The following BCORL1 variants were observed in gnomAD, a reference collection of about 807,000 sequenced individuals.
The protein encoded by BCORL1 is BCL-6 corepressor-like protein 1.
Under a neutral mutation model 87.6 loss-of-function variants are expected in BCORL1, and 7 were observed. The ratio of observed to expected loss-of-function variants is 0.08; its 90% CI spans 0.05 to 0.15. BCORL1 has a LOEUF of 0.15. Among genes scored for constraint, BCORL1 ranks in the 10% least tolerant of loss-of-function variants. The probability of loss-of-function intolerance (pLI) is 1.00; values close to 1 mark genes in which losing one functional copy is unlikely to be tolerated. For synonymous variants in BCORL1, 591 were observed against 634.4 expected (o/e 0.93, Z 1.03); for missense variants, 1,215 against 1,499.7 (o/e 0.81, Z 3.13).
At position 130,013,717 on chromosome X, in the gene BCORL1, T is replaced by G; in HGVS notation, c.945T>G (p.Ala315=). The part of the protein sequence containing the change: ...LSVPVSAPPL[A]LIQAPVPPSA... ...TCCCAGTTTCAGCTCCTCCCTTGGC[T>G]CTCATCCAGGCTCCTGTGCCCCCTT... is the stretch of plus-strand genomic sequence containing the variant. The change falls in exon 4 of 14, where the codon GCT becomes GCG. Residue 315 remains alanine, a synonymous_variant. Transcript: ENST00000540052. 1 of 1,205,525 alleles carries G rather than the reference T, an allele frequency of 8.3e-7. No homozygotes were observed. Among genetic ancestry groups the G allele is most frequent in the Non-Finnish European group, 1.1e-6 (1 of 892,498 alleles).
chrX:129,991,554 C>A lies in BCORL1; in HGVS notation c.-45+8792C>A, dbSNP rs192897644. Among the ~76,000 whole-genome samples the A allele has an allele frequency of 5.3e-3, 574 of 109,186 alleles. 1 individual carries two copies. The highest frequency in any genetic ancestry group is 8.4e-3 in the Non-Finnish European group (440 of 52,523). 94.8% of individuals were successfully genotyped at this position (109,186 alleles called of 115,157 possible). ...GCAGGGTCTCCCTGTGTTGCCCAGG[C>A]TGTTCTTAAACTCCTGAGCTCCAGC... On this transcript the variant is annotated intron_variant, in intron 1 of 13. Coordinates refer to ENST00000540052, the MANE Select transcript of BCORL1 (RefSeq NM_001379451.1).
intron 11 of BCORL1, among the ~76,000 whole-genome samples, chrX:130,046,737 G>A (rs1343312605): frequency 9.0e-6 from 1 of 110,799 alleles, no homozygotes; most frequent in Non-Finnish European, 1.9e-5. Flanking sequence ...TAGTAGAGAT[G>A]AGGTTTCACC....
In BCORL1 at chrX:130,015,334, C is replaced by T. The variant is rs777694490; in HGVS notation, c.2562C>T (p.Pro854=). The T allele has an allele frequency of 8.3e-7, 1 of 1,211,864 alleles. No homozygotes were observed. Among genetic ancestry groups the T allele is most frequent in the South Asian group, 1.8e-5 (1 of 57,037 alleles). The change falls in exon 4 of 14, where the codon CCC becomes CCT. Residue 854 remains proline, a synonymous_variant. Transcript: ENST00000540052. ...IGISSAGQLT[P]SQGAPIRPTS... The stretch of plus-strand genomic sequence containing the variant: ...TTTCCAGTGCCGGGCAGCTGACCCC[C>T]AGTCAGGGGGCGCCCATCAGGCCCA...
At chrX:129,984,172 C>T (rs1926390410) in intron 1 of BCORL1, among the ~76,000 whole-genome samples, 1 of 101,655 alleles carries the variant, frequency 9.8e-6, no homozygotes, top group African/African-American at 3.5e-5. Flanking sequence ...CTGCTGCCGC[C>T]GCCGCTGCCG....
chrX:130,057,293 C>T lies in BCORL1; in HGVS notation c.*1157C>T, dbSNP rs1285760645. ...GCGTCAGCTGTTTCCTAGGCAAGGG[C>T]AGGAAAGTGGTCTCCAGCCCTTGCT... On this transcript the variant is annotated 3_prime_UTR_variant, in exon 14 of 14. Coordinates refer to ENST00000540052, the MANE Select transcript of BCORL1 (RefSeq NM_001379451.1). The T allele has an allele frequency of 9.0e-6, 1 of 111,287 alleles. No individual in the cohort carries two copies. The highest frequency in any genetic ancestry group is 2.9e-4 in the East Asian group (1 of 3,505). The allele number at this position is 111,287 out of a possible 1,213,427, so 9.2% of individuals were successfully genotyped here.
At chrX:129,999,962 C>G (rs1927914786) in intron 1 of BCORL1, among the ~76,000 whole-genome samples, 2 of 111,180 alleles carry the variant, frequency 1.8e-5, no homozygotes, top group African/African-American at 6.5e-5. Flanking sequence ...GTGTGAGCCA[C>G]CATGCCTGGC....
chrX:130,025,351 A>G lies in BCORL1; in HGVS notation c.4050A>G (p.Glu1350=). 8.7e-7 allele frequency: 1 copy of G among 1,154,514 alleles called. No homozygotes were observed. Among genetic ancestry groups the G allele is most frequent in the East Asian group, 3.0e-5 (1 of 33,174 alleles). Residue 1350 remains glutamate, a synonymous_variant, in exon 7 of 14, where the codon GAA becomes GAG. Transcript: ENST00000540052. ...CTGGGGAGTACCTGACAGAGCAAGA[A>G]GACGAGCAGCGGCGGAAAGGGAGAG... ...YQTGEYLTEQ[E]DEQRRKGRAD...
intron 2 of BCORL1, among the ~76,000 whole-genome samples, chrX:130,009,147 A>G (rs1417562595): frequency 9.0e-6 from 1 of 110,907 alleles, no homozygotes; most frequent in African/African-American, 3.3e-5. Flanking sequence ...TTGAGGTGAG[A>G]GCTGGTATTT....
At chrX:129,997,533 C>T (rs888309235) in intron 1 of BCORL1, among the ~76,000 whole-genome samples, 1 of 110,469 alleles carries the variant, frequency 9.1e-6, no homozygotes, top group Admixed American at 9.7e-5. Flanking sequence ...GTGGCTCACT[C>T]CTGTAATCCC....
intron 11 of BCORL1, among the ~76,000 whole-genome samples, chrX:130,039,935 A>G (rs999640576): frequency 5.3e-5 from 6 of 112,908 alleles, no homozygotes; most frequent in Non-Finnish European, 1.1e-4. Flanking sequence ...GTTTGTCTGC[A>G]GTTAGATAGC....
intron 9 of BCORL1, among the ~76,000 whole-genome samples, chrX:130,037,102 C>T (rs367979181): frequency 1.0e-3 from 116 of 110,699 alleles, no homozygotes; most frequent in African/African-American, 3.7e-3. Context: ...GCTGAGATTG[C>T]GCCACTGCAC....
chrX:130,028,935 G>GGGGGGGC, intron 8 of BCORL1, 74 bp downstream of exon 8: 1 of 261,992 alleles, frequency 3.8e-6, no homozygotes, highest in Non-Finnish European at 7.4e-6. Context: ...GGGGGTGGGG[G>GGGGGGGC]ATGGGGAGGA....
chrX:130,011,127 A>G (rs1928922269), intron 2 of BCORL1, among the ~76,000 whole-genome samples: 1 of 107,209 alleles, frequency 9.3e-6, no homozygotes, highest in Non-Finnish European at 1.9e-5. Context: ...TTGCCCACCC[A>G]GGAAACGCAC....
At chrX:130,036,462 T>A (rs887864717) in intron 9 of BCORL1, among the ~76,000 whole-genome samples, 2 of 111,125 alleles carry the variant, frequency 1.8e-5, no homozygotes, top group African/African-American at 6.5e-5. Context: ...GGTTTTGCCA[T>A]GTTGGCTAGG....
At chrX:129,991,711 G>A (rs1188785168) in intron 1 of BCORL1, among the ~76,000 whole-genome samples, 1 of 86,624 alleles carries the variant, frequency 1.2e-5, no homozygotes, top group Non-Finnish European at 2.2e-5. Context: ...AGGCTGGAGT[G>A]CAGTGGTGCG....
intron 11 of BCORL1, among the ~76,000 whole-genome samples, chrX:130,043,486 G>A (rs1233734040): frequency 9.1e-6 from 1 of 109,741 alleles, no homozygotes; most frequent in Non-Finnish European, 1.9e-5. Flanking sequence ...GGAAGCACCC[G>A]AGTGTGGAGA....
In BCORL1 at chrX:129,997,809, A is replaced by AG. The variant is rs1305338129; in HGVS notation, c.-44-7379_-44-7378insG. Among the ~76,000 whole-genome samples, 4 of 105,445 alleles carry AG rather than the reference A, an allele frequency of 3.8e-5. No homozygotes were observed. In the East Asian group the frequency reaches 1.2e-3, roughly 31 times the overall value. The allele number at this position is 105,445 out of a possible 115,157, so 91.6% of individuals were successfully genotyped here. A position where few individuals can be genotyped will look rare whatever the true frequency, so the allele number is the denominator to read the frequency against. ...TCCGACTCACCAAAAAAAAAAAAAA[A>AG]AAAAAAAAGTTATTGCTCTCTCATT... is the stretch of plus-strand genomic sequence containing the variant. On this transcript the variant is annotated intron_variant, in intron 1 of 13. Coordinates refer to ENST00000540052, the MANE Select transcript of BCORL1 (RefSeq NM_001379451.1).
At chrX:130,037,304 A>C in intron 9 of BCORL1, 63 bp from the exon 10 acceptor site, 1 of 1,121,705 alleles carries the variant, frequency 8.9e-7, no homozygotes. Context: ...TTTGAGTCTC[A>C]GGGTTATATA....
At chrX:130,037,875 A>G (rs1291741231) in intron 10 of BCORL1, among the ~76,000 whole-genome samples, 3 of 111,687 alleles carry the variant, frequency 2.7e-5, no homozygotes, top group African/African-American at 9.8e-5. Context: ...TGGGTGATGG[A>G]GACTCCGTCT....
Sources: allele counts gnomAD v4.1 joint callset (sites outside exome capture counted in the v4.1 genomes callset), GRCh38; gene constraint gnomAD v4.1.1; transcripts MANE v1.5; gene names NCBI Gene and HGNC (gene_info 2026-07-23, HGNC 2026-07-21).